The following SPON1 variants were observed in gnomAD, a reference collection of about 807,000 sequenced individuals.
SPON1 encodes spondin-1.
In SPON1, 52 loss-of-function variants were observed where a neutral mutation model predicts 111.7. The observed-to-expected ratio is 0.47, with a 90% CI of 0.37 to 0.59. SPON1 has a LOEUF of 0.59. Ranked by LOEUF, SPON1 falls within the 20% of genes least tolerant of loss-of-function variation. SPON1 has a pLI of 0.00. For missense variants in SPON1, 957 were observed against 1,068.5 expected (o/e 0.90, Z 1.46); for synonymous variants, 410 against 395.8 (o/e 1.04, Z -0.43).
chr11:14,045,973 A>T (rs1406454921), intron 3 of SPON1, among the ~76,000 whole-genome samples: 1 of 152,218 alleles, frequency 6.6e-6, no homozygotes, highest in Admixed American at 6.5e-5. Flanking sequence ...TATAGATTTT[A>T]AAATAAATGT....
At chr11:13,992,554 T>TC (rs1848239232) in intron 2 of SPON1, among the ~76,000 whole-genome samples, 1 of 152,122 alleles carries the variant, frequency 6.6e-6, no homozygotes, top group Non-Finnish European at 1.5e-5. Flanking sequence ...AGCACCCCTT[T>TC]CCGGGGGGTG....
intron 3 of SPON1, among the ~76,000 whole-genome samples, chr11:14,070,483 G>A (rs1225719011): frequency 2.0e-5 from 3 of 152,032 alleles, no homozygotes; most frequent in African/African-American, 7.2e-5. Context: ...TACTTATTAC[G>A]TGCCAGGTAC....
At chr11:14,246,199 T>G (rs980463090) in intron 7 of SPON1, among the ~76,000 whole-genome samples, 1 of 152,140 alleles carries the variant, frequency 6.6e-6, no homozygotes, top group African/African-American at 2.4e-5. Flanking sequence ...AGATGTAAAC[T>G]GCAAATCAAA....
intron 3 of SPON1, among the ~76,000 whole-genome samples, chr11:14,046,498 A>C (rs1337779840): frequency 6.6e-6 from 1 of 152,186 alleles, no homozygotes; most frequent in Non-Finnish European, 1.5e-5. Context: ...CAAATAGTTT[A>C]TTCTTTCCTT....
At position 14,260,666 on chromosome 11, in the gene SPON1, G is replaced by A. The variant is rs371234085; in HGVS notation, c.1910G>A (p.Arg637Gln). ...ACCTGCGGGAAGGGCATGCGAACCC[G>A]ACAGCGGATGCTCAAGTCTCTGGCA... is the stretch of plus-strand genomic sequence containing the variant. ...SVTCGKGMRT[R>Q]QRMLKSLAEL... The change falls in exon 14 of 16, where the codon CGA becomes CAA. Residue 637 changes from arginine to glutamine, a missense_variant. Physicochemically the swap from Arg to Gln is conservative, Grantham distance 43. Around this residue, in one of 5 missense-constraint regions of SPON1, gnomAD observed 549 missense variants for 606.2 expected, o/e 0.91. Coordinates refer to ENST00000576479, the MANE Select transcript of SPON1 (RefSeq NM_006108.4). 1.1e-5 allele frequency: 18 copies of A among 1,614,014 alleles called. No individual in the cohort carries two copies. The highest frequency in any genetic ancestry group is 4.5e-5 in the East Asian group (2 of 44,882).
chr11:14,126,354 C>G (rs782141867), intron 5 of SPON1, among the ~76,000 whole-genome samples: 1 of 152,208 alleles, frequency 6.6e-6, no homozygotes, highest in Admixed American at 6.5e-5. Flanking sequence ...TTGATTAGCA[C>G]TGGTGTTTTA....
At position 14,257,917 on chromosome 11, in the gene SPON1, C is replaced by T. The variant is rs1554941418; in HGVS notation, c.1492+19C>T. The T allele has an allele frequency of 2.0e-6, 3 of 1,515,438 alleles. No homozygotes were observed. The South Asian group carries it at 3.7e-5, about 19-fold the overall frequency. The allele number at this position is 1,515,438 out of a possible 1,614,324, so 93.9% of individuals were successfully genotyped here. A position where few individuals can be genotyped will look rare whatever the true frequency, so the allele number is the denominator to read the frequency against. On this transcript the variant is annotated intron_variant, in intron 11 of 15. Coordinates refer to ENST00000576479, the MANE Select transcript of SPON1 (RefSeq NM_006108.4). ...GACGAAGGTGAGGAGACAACCCAGACCAGCCAGGGGCTGGCAGGAGTTCAG... is the reference window on the plus strand; with the variant it reads ...GACGAAGGTGAGGAGACAACCCAGATCAGCCAGGGGCTGGCAGGAGTTCAG...
At chr11:14,164,887 A>G (rs1324107029) in intron 6 of SPON1, among the ~76,000 whole-genome samples, 2 of 152,134 alleles carry the variant, frequency 1.3e-5, no homozygotes, top group Admixed American at 6.6e-5. Context: ...GGTGGGGGCC[A>G]CAAGATCAAT....
At position 14,257,076 on chromosome 11, in the gene SPON1, C is replaced by T. The variant is rs376270070; in HGVS notation, c.1309+384C>T. Among the ~76,000 whole-genome samples, 13 of 152,226 alleles carry T rather than the reference C, an allele frequency of 8.5e-5. No individual in the cohort carries two copies. In the East Asian group the frequency reaches 1.4e-3, roughly 16 times the overall value. On this transcript the variant is annotated intron_variant, in intron 10 of 15. Coordinates refer to ENST00000576479, the MANE Select transcript of SPON1 (RefSeq NM_006108.4). ...CCCAGATCCTACAATCAGGAGGGAG[C>T]GACAGAGTCATGGTTCAAGCTCAAG...
chr11:13,998,784 A>T (rs1279519849), intron 2 of SPON1, among the ~76,000 whole-genome samples: 1 of 152,192 alleles, frequency 6.6e-6, no homozygotes, highest in Non-Finnish European at 1.5e-5. Context: ...GCAAACGTTA[A>T]TTGGTCTCCT....
intron 2 of SPON1, among the ~76,000 whole-genome samples, chr11:14,023,561 A>G (rs1554914960): frequency 6.6e-6 from 1 of 151,730 alleles, no homozygotes; most frequent in East Asian, 1.9e-4. Context: ...TAATAACCAC[A>G]TTTTCTCAGC....
In SPON1 at chr11:14,030,662, C is replaced by T. The variant is rs989404716; in HGVS notation, c.346-10859C>T. ...AATCAAAACTACAACGAGGCACCAC[C>T]TAACAGCAGTCAGAATGGCTGTTGT... On this transcript the variant is annotated intron_variant, in intron 2 of 15. Coordinates refer to ENST00000576479, the MANE Select transcript of SPON1 (RefSeq NM_006108.4). Among the ~76,000 whole-genome samples the T allele has an allele frequency of 4.6e-5, 7 of 152,312 alleles. 1 individual carries two copies. The East Asian group carries it at 1.3e-3, about 29-fold the overall frequency.
chr11:14,075,640 G>A (rs1309524384), intron 4 of SPON1, among the ~76,000 whole-genome samples: 1 of 152,164 alleles, frequency 6.6e-6, no homozygotes, highest in Non-Finnish European at 1.5e-5. Context: ...AGAAGATAAT[G>A]TACCTTATAT....
At chr11:14,050,735 C>T (rs1335615482) in intron 3 of SPON1, among the ~76,000 whole-genome samples, 2 of 152,142 alleles carry the variant, frequency 1.3e-5, no homozygotes, top group African/African-American at 4.8e-5. Flanking sequence ...TGTTTGACCC[C>T]AGTTGGGGCC....
intron 2 of SPON1, among the ~76,000 whole-genome samples, chr11:13,987,818 AG>A (rs1848197161): frequency 6.6e-6 from 1 of 151,992 alleles, no homozygotes; most frequent in South Asian, 2.1e-4. Context: ...AATGGGGAAA[AG>A]ATTCCCTATT....
chr11:14,237,491 C>T (rs1848881242), intron 6 of SPON1, among the ~76,000 whole-genome samples: 1 of 152,232 alleles, frequency 6.6e-6, no homozygotes. Flanking sequence ...GTCAGATACA[C>T]ATGCGTTGGA....
intron 1 of SPON1, among the ~76,000 whole-genome samples, chr11:13,969,061 AT>A (rs1440784757): frequency 1.3e-5 from 2 of 152,142 alleles, no homozygotes; most frequent in African/African-American, 4.8e-5. Flanking sequence ...ACTTGACAAC[AT>A]ATAAACTGAT....
At chr11:14,170,538 T>C (rs1385007544) in intron 6 of SPON1, among the ~76,000 whole-genome samples, 3 of 152,110 alleles carry the variant, frequency 2.0e-5, no homozygotes, top group Non-Finnish European at 4.4e-5. Context: ...CTATGTTGAA[T>C]AGGAGTGGTG....
At chr11:14,097,701 C>T (rs1554924010) in intron 5 of SPON1, among the ~76,000 whole-genome samples, 1 of 152,120 alleles carries the variant, frequency 6.6e-6, no homozygotes, top group African/African-American at 2.4e-5. Flanking sequence ...ATCCTTGAAC[C>T]CATGGTTAAG....
Sources: gnomAD v4.1 joint callset for allele counts (sites outside exome capture counted in the v4.1 genomes callset) on GRCh38, gnomAD v4.1.1 for gene constraint, gnomAD v4.1.1 regional missense constraint, MANE v1.5 for transcripts, NCBI Gene and HGNC (gene_info 2026-07-23, HGNC 2026-07-21) for gene names.